Variants in SMYD2 observed in about 807,000 individuals in gnomAD.
The protein encoded by SMYD2 is N-lysine methyltransferase SMYD2.
Under a neutral mutation model 59.1 loss-of-function variants are expected in SMYD2, and 53 were observed. That is an observed-to-expected ratio of 0.90 (90% CI 0.72 to 1.13). The LOEUF is 1.13. Ranked by LOEUF, SMYD2 falls within the 50% of genes most tolerant of loss-of-function variation. The pLI is 0.00. For synonymous variants in SMYD2, 208 were observed against 198.8 expected, an observed-to-expected ratio of 1.05 and a Z score of -0.39; for missense variants, 494 against 544.7, an observed-to-expected ratio of 0.91 and a Z score of 0.93.
intron 1 of SMYD2, among the ~76,000 whole-genome samples, chr1:214,284,757 C>T (rs919139434): frequency 6.6e-6 from 1 of 152,088 alleles, no homozygotes; most frequent in Non-Finnish European, 1.5e-5. Context: ...CTCAAGTGAT[C>T]CACCCACCTC....
At chr1:214,291,434 G>T (rs1303886697) in intron 1 of SMYD2, among the ~76,000 whole-genome samples, 1 of 152,168 alleles carries the variant, frequency 6.6e-6, no homozygotes, top group African/African-American at 2.4e-5. Context: ...AAGGGGGTTG[G>T]AAGGGCCTCA....
At chr1:214,320,019 G>T (rs1028351395) in intron 5 of SMYD2, among the ~76,000 whole-genome samples, 1 of 152,210 alleles carries the variant, frequency 6.6e-6, no homozygotes, top group Non-Finnish European at 1.5e-5. Context: ...TTTATTGTAG[G>T]ATTCTTTTAA....
intron 1 of SMYD2, among the ~76,000 whole-genome samples, chr1:214,290,485 T>C (rs1318975598): frequency 6.6e-6 from 1 of 152,224 alleles, no homozygotes; most frequent in Non-Finnish European, 1.5e-5. Flanking sequence ...TAAGTGCTTA[T>C]CTTTGGCAAG....
intron 2 of SMYD2, among the ~76,000 whole-genome samples, chr1:214,314,133 C>T (rs1433019964): frequency 2.0e-5 from 3 of 151,766 alleles, no homozygotes; most frequent in African/African-American, 7.3e-5. Flanking sequence ...GTCGAGATCG[C>T]GCCACTGCAC....
At chr1:214,301,338 G>A (rs1179024428) in intron 1 of SMYD2, among the ~76,000 whole-genome samples, 12 of 152,170 alleles carry the variant, frequency 7.9e-5, no homozygotes, top group Admixed American at 7.9e-4. Context: ...AAGTTGTGAT[G>A]TGCAATCAGA....
chr1:214,313,996 T>A (rs6670066), intron 2 of SMYD2, among the ~76,000 whole-genome samples: 90 of 152,118 alleles, frequency 5.9e-4, no homozygotes, highest in African/African-American at 2.1e-3. Flanking sequence ...GGCCAACATC[T>A]TGAAACCCCG....
chr1:214,322,096 C>T (rs889547873), intron 5 of SMYD2, among the ~76,000 whole-genome samples: 2 of 152,136 alleles, frequency 1.3e-5, no homozygotes, highest in African/African-American at 4.8e-5. Flanking sequence ...AAACAAGAAT[C>T]TCATCCCCAA....
rs1254331821 is a variant in SMYD2, at chr1:214,281,309, C to A, written c.55C>A (p.Arg19=). The change falls in exon 1 of 12, where the codon CGG becomes AGG. Residue 19 remains arginine, a synonymous_variant. Coordinates refer to ENST00000366957, the MANE Select transcript of SMYD2 (RefSeq NM_020197.3). ...GCGCTTCTGCAGCCCGGGCAAAGGC[C>A]GGGGGCTGCGGGCTCTGCAGCCCTT... ...LERFCSPGKG[R]GLRALQPFQV... is the part of the protein sequence containing the mutation. The A allele has an allele frequency of 5.0e-6, 7 of 1,398,414 alleles. No homozygotes were observed. The African/African-American group carries it at 1.0e-4, about 21-fold the overall frequency. 86.6% of individuals were successfully genotyped at this position (1,398,414 alleles called of 1,614,324 possible). A position where few individuals can be genotyped will look rare whatever the true frequency, so the allele number is the denominator to read the frequency against.
rs776766097 is a variant in SMYD2, at chr1:214,281,353, G to C, written c.99G>C (p.Leu33=). Residue 33 remains leucine (L), a synonymous_variant, in exon 1 of 12, where the codon CTG becomes CTC. Coordinates refer to ENST00000366957, the MANE Select transcript of SMYD2 (RefSeq NM_020197.3). ...ALQPFQVGDL[L]FSCPAYAYVL... ...AGCCCTTCCAGGTGGGGGACTTGCT[G>C]TTCTCCTGCCCGGCCTATGCCTACG... is the stretch of plus-strand genomic sequence containing the variant. The C allele has an allele frequency of 4.4e-5, 64 of 1,452,936 alleles. No homozygotes were observed. The highest frequency in any genetic ancestry group is 5.8e-5 in the Non-Finnish European group (63 of 1,094,136). The allele number at this position is 1,452,936 out of a possible 1,614,324, so 90.0% of individuals were successfully genotyped here. A position where few individuals can be genotyped will look rare whatever the true frequency, so the allele number is the denominator to read the frequency against.
In SMYD2 at chr1:214,324,659, A is replaced by G; in HGVS notation, c.553A>G (p.Thr185Ala). The change falls in exon 6 of 12, where the codon ACA becomes GCA. Residue 185 changes from threonine to alanine, a missense_variant. Thr to Ala is a moderately conservative substitution (Grantham distance 58). Coordinates refer to ENST00000366957, the MANE Select transcript of SMYD2 (RefSeq NM_020197.3). ...LFAQVNCNGF[T>A]IEDEELSHLG... ...GCTGCAGGTTAACTGTAATGGCTTCACAATTGAAGATGAAGAACTTTCTCA... is the reference window on the plus strand; with the variant it reads ...GCTGCAGGTTAACTGTAATGGCTTCGCAATTGAAGATGAAGAACTTTCTCA... 2 of 1,613,194 alleles carry G rather than the reference A, an allele frequency of 1.2e-6. No homozygotes were observed. The highest frequency in any genetic ancestry group is 1.7e-6 in the Non-Finnish European group (2 of 1,179,712).
intron 11 of SMYD2, 115 bp downstream of exon 11, chr1:214,334,423 C>A: frequency 1.1e-6 from 1 of 951,390 alleles, no homozygotes; most frequent in Non-Finnish European, 1.7e-6. Flanking sequence ...GCAGCTCTCA[C>A]CCACCCTCTT....
chr1:214,303,064 GT>G (rs1309109176), intron 1 of SMYD2, among the ~76,000 whole-genome samples: 1 of 151,980 alleles, frequency 6.6e-6, no homozygotes, highest in African/African-American at 2.4e-5. Context: ...GACTTCTTTT[GT>G]TTCATTAGGG....
At chr1:214,336,519 G>A (rs140208853) in intron 11 of SMYD2, among the ~76,000 whole-genome samples, 185 bp from the exon 12 acceptor site, 1,653 of 152,096 alleles carry the variant, frequency 0.011, 16 homozygotes, top group African/African-American at 0.037. Flanking sequence ...GCGACAGAGC[G>A]AGACTCCGTC....
intron 1 of SMYD2, among the ~76,000 whole-genome samples, chr1:214,287,217 T>A (rs377113987): frequency 4.0e-5 from 6 of 151,774 alleles, no homozygotes; most frequent in African/African-American, 1.5e-4. Context: ...TTTAGGGGCG[T>A]TTTTATGGAG....
At chr1:214,331,583 G>A (rs1228034959) in intron 9 of SMYD2, 1 of 175,670 alleles carries the variant, frequency 5.7e-6, no homozygotes, top group Non-Finnish European at 1.2e-5. Flanking sequence ...CATTTTCTTG[G>A]GAGTTGAAAA....
At chr1:214,281,535 C>G (rs1415560855) in intron 1 of SMYD2, 108 bp downstream of exon 1, 2 of 1,072,550 alleles carry the variant, frequency 1.9e-6, no homozygotes, top group Non-Finnish European at 2.3e-6. Flanking sequence ...CTAGCGCCGG[C>G]CCTTGGGGCG....
Position 214,330,179 on chromosome 1 carries a change from C to G in SMYD2, c.717C>G (p.Ser239Arg). The change falls in exon 8 of 12, where the codon AGC (serine) becomes AGG (arginine). Residue 239 changes from serine (S) to arginine (R), a missense_variant. Transcript: ENST00000366957. ...EIKPGEEVFT[S>R]YIDLLYPTED... Reference sequence around the variant, plus strand: ...TTTGGACCCCGTAGGTTTTTACCAGCTATATTGATCTCCTGTACCCAACGG... The same window carrying G: ...TTTGGACCCCGTAGGTTTTTACCAGGTATATTGATCTCCTGTACCCAACGG... 6.2e-7 allele frequency: 1 copy of G among 1,607,228 alleles called. No individual in the cohort carries two copies. Among genetic ancestry groups the G allele is most frequent in the Non-Finnish European group, 8.5e-7 (1 of 1,175,906 alleles).
intron 1 of SMYD2, among the ~76,000 whole-genome samples, chr1:214,303,113 C>T (rs1003046804): frequency 1.3e-4 from 20 of 152,090 alleles, no homozygotes; most frequent in Non-Finnish European, 2.8e-4. Context: ...AAGTTAAAAG[C>T]TTCAGCCAAA....
chr1:214,324,800 T>C (rs1310214475), intron 6 of SMYD2, 92 bp downstream of exon 6: 2 of 1,122,542 alleles, frequency 1.8e-6, no homozygotes, highest in Non-Finnish European at 2.6e-6. Context: ...CCTAACTGCA[T>C]GTGGCAGACA....
Sources: gnomAD v4.1 joint callset for allele counts (sites outside exome capture counted in the v4.1 genomes callset) on GRCh38, gnomAD v4.1.1 for gene constraint, MANE v1.5 for transcripts, NCBI Gene and HGNC (gene_info 2026-07-23, HGNC 2026-07-21) for gene names.